Variants in LRRIQ4 observed in about 807,000 individuals in gnomAD.
The protein encoded by LRRIQ4 is leucine rich repeats and IQ motif containing 4.
In LRRIQ4, 21 loss-of-function variants were observed where a neutral mutation model predicts 40.1. The ratio of observed to expected loss-of-function variants is 0.52; its 90% CI spans 0.37 to 0.75. The LOEUF (loss-of-function observed/expected upper bound fraction) is 0.75. Among genes scored for constraint, LRRIQ4 ranks in the 30% least tolerant of loss-of-function variants. The probability of loss-of-function intolerance (pLI) is 0.00; values close to 1 mark genes in which losing one functional copy is unlikely to be tolerated. For synonymous variants in LRRIQ4, 277 were observed against 277.1 expected (o/e 1.00, Z 0.00); for missense variants, 655 against 660.0 (o/e 0.99, Z 0.08).
Position 169,822,197 on chromosome 3 carries a change from G to C in LRRIQ4, c.276G>C (p.Leu92=), listed in dbSNP as rs375010753. ...GGAGCCTGTGCCCGGCGCTGGGGCT[G>C]CTGAGCAGCCTGGAGAGCCTGGACC... ...NLRSLCPALG[L]LSSLESLDLS... The change falls in exon 2 of 6, where the codon CTG becomes CTC. Residue 92 remains leucine (L), a synonymous_variant. Coordinates refer to ENST00000340806, the MANE Select transcript of LRRIQ4 (RefSeq NM_001080460.3). The C allele has an allele frequency of 1.9e-6, 3 of 1,602,298 alleles. No individual in the cohort carries two copies. Among genetic ancestry groups the C allele is most frequent in the Non-Finnish European group, 2.5e-6 (3 of 1,176,750 alleles).
chr3:169,827,864 G>T (rs10936603), intron 2 of LRRIQ4, among the ~76,000 whole-genome samples: 40,912 of 151,960 alleles, frequency 0.27, 6,061 homozygotes, highest in East Asian at 0.64. Flanking sequence ...TTCTTAAGGC[G>T]TTCCAGCCCT....
Position 169,822,277 on chromosome 3 carries a change from C to G in LRRIQ4, c.356C>G (p.Ala119Gly), listed in dbSNP as rs769525072. 6.2e-7 allele frequency: 1 copy of G among 1,612,864 alleles called. No individual in the cohort carries two copies. Among genetic ancestry groups the G allele is most frequent in the Non-Finnish European group, 8.5e-7 (1 of 1,179,488 alleles). ...CTTGTCGTTGTCAGCTTCCTCCACG[C>G]CCTGCGCGAGCTCCGGCTCTACCAG... Reference protein sequence around the residue: ...SSLVVVSFLHALRELRLYQTD... With the variant: ...SSLVVVSFLHGLRELRLYQTD... Residue 119 changes from alanine to glycine, a missense_variant, in exon 2 of 6, where the codon GCC (alanine) becomes GGC (glycine). Physicochemically the swap from Ala to Gly is moderately conservative, Grantham distance 60 (BLOSUM62 0). Coordinates refer to ENST00000340806, the MANE Select transcript of LRRIQ4 (RefSeq NM_001080460.3).
At chr3:169,831,157 C>T (rs1780163052) in intron 4 of LRRIQ4, among the ~76,000 whole-genome samples, 1 of 150,766 alleles carries the variant, frequency 6.6e-6, no homozygotes, top group Non-Finnish European at 1.5e-5. Context: ...CATCCATCCA[C>T]TTAATATGCT....
At chr3:169,821,100 C>CA (rs1779876397) in intron 1 of LRRIQ4, among the ~76,000 whole-genome samples, 1 of 152,204 alleles carries the variant, frequency 6.6e-6, no homozygotes, top group South Asian at 2.1e-4. Flanking sequence ...AGGGTCTACT[C>CA]ACGGGTCTCT....
intron 2 of LRRIQ4, among the ~76,000 whole-genome samples, chr3:169,828,332 C>A (rs1447832788): frequency 1.3e-5 from 2 of 151,982 alleles, no homozygotes; most frequent in Admixed American, 1.3e-4. Flanking sequence ...TCCCACATTC[C>A]AGAGATTCCC....
At chr3:169,834,254 C>G (rs920215159) in intron 5 of LRRIQ4, among the ~76,000 whole-genome samples, 1 of 152,094 alleles carries the variant, frequency 6.6e-6, no homozygotes, top group African/African-American at 2.4e-5. Flanking sequence ...CCCAGCTACT[C>G]TGGAGGCTGA....
chr3:169,822,499 T>C lies in LRRIQ4; in HGVS notation c.578T>C (p.Ile193Thr), dbSNP rs1779925924. 1.2e-6 allele frequency: 2 copies of C among 1,613,884 alleles called. No individual in the cohort carries two copies. The highest frequency in any genetic ancestry group is 3.3e-5 in the Admixed American group (2 of 59,996). ...TGTGTTCTCTACACCCTGGAAATCATTGACCTGGACGAGAACAAAATAGGT... is the reference window on the plus strand; with the variant it reads ...TGTGTTCTCTACACCCTGGAAATCACTGACCTGGACGAGAACAAAATAGGT... ...ELCVLYTLEI[I>T]DLDENKIGAI... Residue 193 changes from isoleucine to threonine, a missense_variant, in exon 2 of 6, where the codon ATT becomes ACT. Ile to Thr is a moderately conservative substitution (Grantham distance 89). Coordinates refer to ENST00000340806, the MANE Select transcript of LRRIQ4 (RefSeq NM_001080460.3).
chr3:169,824,557 G>A (rs1779997369), intron 2 of LRRIQ4, among the ~76,000 whole-genome samples: 1 of 151,908 alleles, frequency 6.6e-6, no homozygotes, highest in East Asian at 1.9e-4. Flanking sequence ...CTGTCACCCA[G>A]GCTGGAGTGC....
intron 2 of LRRIQ4, among the ~76,000 whole-genome samples, chr3:169,827,068 T>G (rs1780055040): frequency 6.6e-6 from 1 of 151,100 alleles, no homozygotes; most frequent in South Asian, 2.1e-4. Flanking sequence ...GAGGTGGGGG[T>G]GGGAGTGGCT....
chr3:169,822,154 T>A lies in LRRIQ4; in HGVS notation c.233T>A (p.Leu78Gln), dbSNP rs368424398. The A allele has an allele frequency of 6.2e-7, 1 of 1,612,656 alleles. No individual in the cohort carries two copies. The highest frequency in any genetic ancestry group is 8.5e-7 in the Non-Finnish European group (1 of 1,179,552). The change falls in exon 2 of 6, where the codon CTG (leucine) becomes CAG (glutamine). Residue 78 changes from leucine (L) to glutamine (Q), a missense_variant. Leu to Gln is a moderately radical substitution (Grantham distance 113, BLOSUM62 -2). Coordinates refer to ENST00000340806, the MANE Select transcript of LRRIQ4 (RefSeq NM_001080460.3). ...TTAAAGAACATCAGGGTCCTCTACC[T>A]GGATAAGAACAACCTGAGGAGCCTG... Reference protein sequence around the residue: ...QRLKNIRVLYLDKNNLRSLCP... With the variant: ...QRLKNIRVLYQDKNNLRSLCP...
At chr3:169,814,421 G>T (rs1443595697) in intron 1 of LRRIQ4, among the ~76,000 whole-genome samples, 1 of 152,086 alleles carries the variant, frequency 6.6e-6, no homozygotes, top group African/African-American at 2.4e-5. Flanking sequence ...GTGCTCCTCC[G>T]CCGGTGTGTT....
intron 2 of LRRIQ4, among the ~76,000 whole-genome samples, chr3:169,826,447 C>T (rs888881962): frequency 4.6e-5 from 7 of 151,794 alleles, no homozygotes; most frequent in Non-Finnish European, 1.0e-4. Context: ...TACCAGATCC[C>T]AAAATGGCTA....
intron 4 of LRRIQ4, among the ~76,000 whole-genome samples, chr3:169,831,261 CTTTTTTTTTT>C (rs869088396): frequency 3.0e-4 from 10 of 33,464 alleles, no homozygotes; most frequent in East Asian, 1.7e-3. Context: ...TATGGCTATT[CTTTTTTTTTT>C]TTTTTTTTTT....
intron 1 of LRRIQ4, among the ~76,000 whole-genome samples, chr3:169,813,693 CG>C (rs1779689512): frequency 6.6e-6 from 1 of 152,196 alleles, no homozygotes; most frequent in African/African-American, 2.4e-5. Context: ...AAATTTGTAA[CG>C]GGGTCTTTGA....
At chr3:169,815,885 A>T (rs1351104591) in intron 1 of LRRIQ4, among the ~76,000 whole-genome samples, 1 of 152,250 alleles carries the variant, frequency 6.6e-6, no homozygotes, top group Non-Finnish European at 1.5e-5. Flanking sequence ...TTCAGCATCA[A>T]TTAAAATGAT....
rs746826132 is a variant in LRRIQ4 at position 169,822,635 on chromosome 3, G to T, written c.714G>T (p.Val238=). 4 of 1,613,892 alleles carry T rather than the reference G, an allele frequency of 2.5e-6. No individual in the cohort carries two copies. Among genetic ancestry groups the T allele is most frequent in the Non-Finnish European group, 3.4e-6 (4 of 1,179,850 alleles). Residue 238 remains valine (V), a synonymous_variant, in exon 2 of 6, where the codon GTG becomes GTT. Coordinates refer to ENST00000340806, the MANE Select transcript of LRRIQ4 (RefSeq NM_001080460.3). The part of the protein sequence containing the change: ...ASLCQCSQLS[V]LDLSHNLLHS... ...TGTGCCAGTGTAGCCAACTGTCGGT[G>T]CTCGATTTATCCCACAACCTCCTCC...
At chr3:169,832,900 A>G (rs1022495695) in intron 4 of LRRIQ4, 87 bp from the exon 5 acceptor site, 2 of 1,183,370 alleles carry the variant, frequency 1.7e-6, no homozygotes, top group Non-Finnish European at 2.4e-6. Context: ...GCAGAATTGG[A>G]TCCCTCACCT....
chr3:169,818,821 G>C (rs909083485), intron 1 of LRRIQ4, among the ~76,000 whole-genome samples: 1 of 152,178 alleles, frequency 6.6e-6, no homozygotes, highest in South Asian at 2.1e-4. Context: ...GCAAAATCTT[G>C]AAATTCTTTT....
chr3:169,816,669 T>A (rs1386160764), intron 1 of LRRIQ4, among the ~76,000 whole-genome samples: 1 of 140,686 alleles, frequency 7.1e-6, no homozygotes, highest in Non-Finnish European at 1.5e-5. Flanking sequence ...ATTTCTTTTC[T>A]TCTACTTTTT....
Sources: gnomAD v4.1 joint callset for allele counts (sites outside exome capture counted in the v4.1 genomes callset) on GRCh38, gnomAD v4.1.1 for gene constraint, MANE v1.5 for transcripts, NCBI Gene and HGNC (gene_info 2026-07-23, HGNC 2026-07-21) for gene names.